Variants in KCNN2 observed in about 807,000 individuals in gnomAD.
KCNN2 encodes small conductance calcium-activated potassium channel protein 2.
KCNN2 carries 24 observed loss-of-function variants against 55.5 expected under a neutral mutation model. The observed-to-expected ratio is 0.43, with a 90% CI of 0.31 to 0.61. KCNN2 has a LOEUF of 0.61. Among genes scored for constraint, KCNN2 ranks in the 20% least tolerant of loss-of-function variants. The pLI, the probability that KCNN2 is intolerant of heterozygous loss-of-function variation, is 0.08. For missense variants in KCNN2, 754 were observed against 853.6 expected, an observed-to-expected ratio of 0.88 and a Z score of 1.45; for synonymous variants, 431 against 336.1, an observed-to-expected ratio of 1.28 and a Z score of -3.09.
intron 1 of KCNN2, among the ~76,000 whole-genome samples, chr5:114,122,644 C>T (rs932452361): frequency 3.9e-5 from 6 of 152,072 alleles, no homozygotes; most frequent in Non-Finnish European, 8.8e-5. Flanking sequence ...TCTGTGCTGC[C>T]CATTGGATAA....
chr5:114,259,265 C>G (rs1413909899), intron 2 of KCNN2, among the ~76,000 whole-genome samples: 2 of 152,198 alleles, frequency 1.3e-5, no homozygotes, highest in African/African-American at 4.8e-5. Flanking sequence ...ACATCACTCC[C>G]CAAGAGCTGG....
intron 2 of KCNN2, among the ~76,000 whole-genome samples, chr5:114,339,116 A>T (rs996070054): frequency 6.6e-6 from 1 of 152,194 alleles, no homozygotes; most frequent in African/African-American, 2.4e-5. Flanking sequence ...TCTTTGCCAA[A>T]CGTACATAAG....
intron 1 of KCNN2, among the ~76,000 whole-genome samples, chr5:114,129,352 C>A (rs900013929): frequency 2.0e-5 from 3 of 152,154 alleles, no homozygotes; most frequent in Non-Finnish European, 4.4e-5. Flanking sequence ...CAAAAAATTT[C>A]TTCTGCTACC....
intron 2 of KCNN2, among the ~76,000 whole-genome samples, chr5:114,355,040 C>T (rs1005444186): frequency 2.6e-5 from 4 of 152,158 alleles, no homozygotes; most frequent in Non-Finnish European, 1.5e-5. Context: ...TTGCTGGTGA[C>T]ATTGTTACAT....
At chr5:114,295,087 G>A (rs1191451692) in intron 2 of KCNN2, among the ~76,000 whole-genome samples, 1 of 152,100 alleles carries the variant, frequency 6.6e-6, no homozygotes, top group Non-Finnish European at 1.5e-5. Flanking sequence ...GGAGTACCTG[G>A]CCGTGTGAGG....
intron 1 of KCNN2, 77 bp from the exon 2 acceptor site, chr5:114,363,829 C>T: frequency 1.0e-6 from 1 of 994,748 alleles, no homozygotes; most frequent in South Asian, 1.4e-5. Context: ...CTGTGGGGGA[C>T]TGACTGACTC....
intron 1 of KCNN2, among the ~76,000 whole-genome samples, chr5:114,216,555 TATCA>T (rs1206494293): frequency 6.6e-6 from 1 of 152,162 alleles, no homozygotes; most frequent in Non-Finnish European, 1.5e-5. Context: ...CATTAGAATT[TATCA>T]ATAGATACAG....
At chr5:114,363,843 G>A (rs549453900) in intron 1 of KCNN2, 63 bp from the exon 2 acceptor site, 422 of 1,166,414 alleles carry the variant, frequency 3.6e-4, no homozygotes, top group Non-Finnish European at 4.1e-4. Context: ...CTGACTCTGG[G>A]GACGTGGAAG....
chr5:114,110,629 A>G lies in KCNN2; in HGVS notation c.-271+54129A>G, dbSNP rs184876321. On this transcript the variant is annotated intron_variant, in intron 1 of 10. Coordinates refer to the KCNN2 transcript ENST00000512097. ...ATTCTCTTTTGGACACACCATCTCC[A>G]GTGCCTAAATATTCTAGCTCTCCAG... Among the ~76,000 whole-genome samples the G allele has an allele frequency of 5.3e-4, 81 of 152,166 alleles. 1 individual carries two copies. Among genetic ancestry groups the G allele is most frequent in the Non-Finnish European group, 3.2e-4 (22 of 67,960 alleles).
intron 2 of KCNN2, among the ~76,000 whole-genome samples, chr5:114,379,130 T>G (rs1396702638): frequency 6.6e-6 from 1 of 152,020 alleles, no homozygotes. Flanking sequence ...CTAGTGCTTG[T>G]CATTCCTCTT....
At chr5:114,060,323 T>C (rs1750299371) in intron 1 of KCNN2, among the ~76,000 whole-genome samples, 1 of 152,266 alleles carries the variant, frequency 6.6e-6, no homozygotes, top group Non-Finnish European at 1.5e-5. Flanking sequence ...ACCCTCTCGT[T>C]GCAGTTCACA....
At chr5:114,067,828 C>G (rs1372139325) in intron 1 of KCNN2, among the ~76,000 whole-genome samples, 1 of 152,190 alleles carries the variant, frequency 6.6e-6, no homozygotes, top group Non-Finnish European at 1.5e-5. Flanking sequence ...TGTTAGCCTT[C>G]ACTTGCATAA....
At chr5:114,472,970 A>G (rs1761818945) in intron 4 of KCNN2, 84 bp from the exon 5 acceptor site, 1 of 734,708 alleles carries the variant, frequency 1.4e-6, no homozygotes, top group African/African-American at 1.8e-5. Context: ...AAACTTTTGC[A>G]TTTGATGCAA....
chr5:114,172,397 C>T (rs1753056540), intron 1 of KCNN2, among the ~76,000 whole-genome samples: 1 of 151,714 alleles, frequency 6.6e-6, no homozygotes, highest in Non-Finnish European at 1.5e-5. Flanking sequence ...CCAGCCTTCT[C>T]ATCCCTCACC....
rs76650683 is a variant in KCNN2, at chr5:114,483,169, C to T, written c.1891-3881C>T. Among the ~76,000 whole-genome samples, 18 of 151,374 alleles carry T rather than the reference C, an allele frequency of 1.2e-4. No homozygotes were observed. The East Asian group carries it at 3.1e-3, about 26-fold the overall frequency. ...TATTATTTTATAATTAACCGTGAGT[C>T]GCAATATAATATCTCCTGGCCTGTA... On this transcript the variant is annotated intron_variant, in intron 5 of 7. Coordinates refer to ENST00000673685, the MANE Select transcript of KCNN2 (RefSeq NM_021614.4).
chr5:114,146,088 A>C (rs1752393146), intron 1 of KCNN2, among the ~76,000 whole-genome samples: 1 of 152,106 alleles, frequency 6.6e-6, no homozygotes, highest in Admixed American at 6.6e-5. Context: ...CCTCTTCCCC[A>C]CGTTAAAATA....
intron 5 of KCNN2, among the ~76,000 whole-genome samples, chr5:114,479,455 TA>T (rs1001303021): frequency 1.3e-5 from 2 of 152,146 alleles, no homozygotes; most frequent in African/African-American, 4.8e-5. Flanking sequence ...TTCCACACAA[TA>T]ATAGGAGACT....
At chr5:114,473,253 C>A in intron 5 of KCNN2, 89 bp downstream of exon 5, 1 of 834,632 alleles carries the variant, frequency 1.2e-6, no homozygotes. Context: ...ACATCCGAAG[C>A]TGAAATGACA....
intron 3 of KCNN2, among the ~76,000 whole-genome samples, chr5:114,448,707 GA>G (rs1286057356): frequency 6.6e-6 from 1 of 152,210 alleles, no homozygotes; most frequent in Non-Finnish European, 1.5e-5. Context: ...TGACATTCAG[GA>G]ATGTTCTGCT....
Sources: allele counts gnomAD v4.1 joint callset (sites outside exome capture counted in the v4.1 genomes callset), GRCh38; gene constraint gnomAD v4.1.1; transcripts MANE v1.5; gene names NCBI Gene and HGNC (gene_info 2026-07-23, HGNC 2026-07-21).